PLPP4: variants seen among roughly 807,000 people sequenced by gnomAD.
PLPP4 encodes diacylglycerol pyrophosphate like 2.
Under a neutral mutation model 32.2 loss-of-function variants are expected in PLPP4, and 20 were observed. The observed-to-expected ratio is 0.62, with a 90% CI of 0.44 to 0.90. PLPP4 has a LOEUF of 0.90. Ranked by LOEUF, PLPP4 falls within the 40% of genes least tolerant of loss-of-function variation. The pLI is 0.00. For synonymous variants in PLPP4, 127 were observed against 133.0 expected (o/e 0.95, Z 0.31); for missense variants, 257 against 353.1 (o/e 0.73, Z 2.18).
At chr10:120,529,051 A>G (rs930202531) in intron 5 of PLPP4, among the ~76,000 whole-genome samples, 8 of 152,094 alleles carry the variant, frequency 5.3e-5, no homozygotes, top group African/African-American at 1.9e-4. Flanking sequence ...CCAGGAACCA[A>G]TTACCAATTT....
chr10:120,543,203 C>A (rs1847438528), intron 5 of PLPP4, among the ~76,000 whole-genome samples: 1 of 152,148 alleles, frequency 6.6e-6, no homozygotes, highest in African/African-American at 2.4e-5. Flanking sequence ...CAGGGACACC[C>A]AGGGGACTAG....
At chr10:120,482,642 C>T (rs1214065928) in intron 1 of PLPP4, among the ~76,000 whole-genome samples, 1 of 152,140 alleles carries the variant, frequency 6.6e-6, no homozygotes, top group African/African-American at 2.4e-5. Context: ...CAGTGGCTCA[C>T]ACCTGTAATC....
chr10:120,507,150 A>C (rs186012794), intron 2 of PLPP4, among the ~76,000 whole-genome samples: 1 of 152,272 alleles, frequency 6.6e-6, no homozygotes, highest in East Asian at 1.9e-4. Flanking sequence ...TTGTACATTC[A>C]GGGGACATTT....
At chr10:120,565,457 C>T (rs560173463) in intron 5 of PLPP4, among the ~76,000 whole-genome samples, 1 of 152,062 alleles carries the variant, frequency 6.6e-6, no homozygotes, top group Admixed American at 6.6e-5. Flanking sequence ...TTGACAGTTA[C>T]TCTTTCTTTC....
intron 6 of PLPP4, among the ~76,000 whole-genome samples, chr10:120,588,879 C>G (rs957443333): frequency 6.6e-6 from 1 of 152,150 alleles, no homozygotes; most frequent in African/African-American, 2.4e-5. Flanking sequence ...AACCCTGCCT[C>G]TACTAAAAAT....
chr10:120,568,202 A>G (rs1848774053), intron 5 of PLPP4, among the ~76,000 whole-genome samples: 2 of 152,222 alleles, frequency 1.3e-5, no homozygotes, highest in Non-Finnish European at 2.9e-5. Context: ...GACTGTCCCT[A>G]TTGGTCAGCA....
chr10:120,580,115 CAAAAAAAA>C (rs10609637), intron 6 of PLPP4, among the ~76,000 whole-genome samples: 2,650 of 91,622 alleles, frequency 0.029, 99 homozygotes, highest in African/African-American at 0.1. Context: ...GCGAGACTCT[CAAAAAAAA>C]AAAAAAAAAA....
At chr10:120,583,980 G>C (rs1321266859) in intron 6 of PLPP4, among the ~76,000 whole-genome samples, 4 of 152,262 alleles carry the variant, frequency 2.6e-5, no homozygotes, top group Non-Finnish European at 4.4e-5. Flanking sequence ...AGCCACAAAG[G>C]GACATGGAAA....
intron 1 of PLPP4, among the ~76,000 whole-genome samples, chr10:120,466,968 G>T (rs1354094822): frequency 1.3e-5 from 2 of 152,180 alleles, no homozygotes; most frequent in East Asian, 3.9e-4. Flanking sequence ...AAATAGTGTA[G>T]TTCTCAAAAG....
At chr10:120,528,167 C>T (rs926292001) in intron 5 of PLPP4, among the ~76,000 whole-genome samples, 31 of 150,506 alleles carry the variant, frequency 2.1e-4, no homozygotes, top group African/African-American at 7.1e-4. Flanking sequence ...CTCCGCCTGC[C>T]GGGTTCACGC....
chr10:120,466,119 C>A (rs1249431931), intron 1 of PLPP4, among the ~76,000 whole-genome samples: 1 of 152,086 alleles, frequency 6.6e-6, no homozygotes, highest in Non-Finnish European at 1.5e-5. Flanking sequence ...CCTCTAAAAG[C>A]AATATTTAGC....
At chr10:120,524,728 G>A (rs902542508) in intron 5 of PLPP4, among the ~76,000 whole-genome samples, 14 of 152,154 alleles carry the variant, frequency 9.2e-5, no homozygotes, top group African/African-American at 3.1e-4. Context: ...AGCCACCCTT[G>A]ATTGGAAAAG....
chr10:120,466,930 A>G (rs1374085791), intron 1 of PLPP4, among the ~76,000 whole-genome samples: 1 of 152,222 alleles, frequency 6.6e-6, no homozygotes, highest in African/African-American at 2.4e-5. Flanking sequence ...AAGATGCCTG[A>G]CATCACAGTG....
intron 3 of PLPP4, among the ~76,000 whole-genome samples, chr10:120,517,000 G>C (rs1845958749): frequency 6.6e-6 from 1 of 152,208 alleles, no homozygotes; most frequent in South Asian, 2.1e-4. Flanking sequence ...GTTGCCAACT[G>C]TAGGTGGTTA....
chr10:120,563,343 A>G (rs980368984), intron 5 of PLPP4, among the ~76,000 whole-genome samples: 17 of 152,256 alleles, frequency 1.1e-4, no homozygotes, highest in Non-Finnish European at 2.2e-4. Context: ...CTTGAATATC[A>G]TAGTTAACAA....
chr10:120,558,074 C>A (rs1005507985), intron 5 of PLPP4, among the ~76,000 whole-genome samples: 18 of 150,698 alleles, frequency 1.2e-4, no homozygotes, highest in African/African-American at 4.4e-4. Flanking sequence ...CTCCATGTAC[C>A]CAGCACTTGG....
intron 5 of PLPP4, among the ~76,000 whole-genome samples, chr10:120,529,958 C>G (rs1846623894): frequency 5.3e-5 from 8 of 152,130 alleles, no homozygotes; most frequent in Middle Eastern, 6.8e-3. Context: ...CTCAAACAAA[C>G]AAACAAAAAT....
chr10:120,588,108 C>A (rs970903087), intron 6 of PLPP4, among the ~76,000 whole-genome samples: 4 of 152,210 alleles, frequency 2.6e-5, no homozygotes, highest in Admixed American at 2.6e-4. Context: ...ATCCTGCCTG[C>A]CTATGGGAAG....
chr10:120,503,478 C>A, intron 1 of PLPP4: 1 of 1,485,386 alleles, frequency 6.7e-7, no homozygotes, highest in Non-Finnish European at 9.2e-7. Context: ...TTTCAAGAGA[C>A]CATGCTGCTG....
Sources: gnomAD v4.1 joint callset for allele counts (sites outside exome capture counted in the v4.1 genomes callset) on GRCh38, gnomAD v4.1.1 for gene constraint, MANE v1.5 for transcripts, NCBI Gene and HGNC (gene_info 2026-07-23, HGNC 2026-07-21) for gene names.